Variants in GRIP1 observed in about 807,000 individuals in gnomAD.
GRIP1 encodes glutamate receptor-interacting protein 1.
GRIP1 carries 45 observed loss-of-function variants against 129.9 expected under a neutral mutation model. The ratio of observed to expected loss-of-function variants is 0.35; its 90% confidence interval spans 0.27 to 0.44. The LOEUF (loss-of-function observed/expected upper bound fraction) is 0.44. GRIP1 is among the 20% of genes least tolerant of loss of function. The pLI, the probability that GRIP1 is intolerant of heterozygous loss-of-function variation, is 1.00. For synonymous variants in GRIP1, 530 were observed against 520.8 expected, an observed-to-expected ratio of 1.02 and a Z score of -0.24; for missense variants, 1,196 against 1,396.8, an observed-to-expected ratio of 0.86 and a Z score of 2.29.
intron 2 of GRIP1, among the ~76,000 whole-genome samples, chr12:66,544,927 T>C (rs975951500): frequency 6.6e-6 from 1 of 152,144 alleles, no homozygotes; most frequent in African/African-American, 2.4e-5. Flanking sequence ...CACTTATATA[T>C]CAAGGCTTAC....
intron 5 of GRIP1, among the ~76,000 whole-genome samples, chr12:66,525,258 G>C (rs532517470): frequency 5.3e-5 from 8 of 152,294 alleles, no homozygotes; most frequent in Admixed American, 2.6e-4. Flanking sequence ...TATGCTTGAT[G>C]AACATTGATG....
chr12:66,894,430 C>T (rs1056579852), intron 1 of GRIP1, among the ~76,000 whole-genome samples: 1 of 152,178 alleles, frequency 6.6e-6, no homozygotes, highest in Non-Finnish European at 1.5e-5. Context: ...AACCAAGGTC[C>T]TCTATGAGTT....
chr12:66,562,676 A>G (rs1287478440), intron 2 of GRIP1, among the ~76,000 whole-genome samples: 2 of 152,116 alleles, frequency 1.3e-5, no homozygotes, highest in African/African-American at 2.4e-5. Context: ...GGCATTATGT[A>G]TCTTTGTTGC....
At chr12:66,858,816 G>C (rs1023640372) in intron 1 of GRIP1, among the ~76,000 whole-genome samples, 1 of 151,784 alleles carries the variant, frequency 6.6e-6, no homozygotes, top group Non-Finnish European at 1.5e-5. Flanking sequence ...GGATATGAGG[G>C]AAATACTAAT....
chr12:66,775,810 T>C (rs2136753028), intron 1 of GRIP1, among the ~76,000 whole-genome samples: 1 of 152,318 alleles, frequency 6.6e-6, no homozygotes, highest in East Asian at 1.9e-4. Context: ...GATATACTGA[T>C]AGGTGTTACT....
intron 23 of GRIP1, among the ~76,000 whole-genome samples, chr12:66,360,955 G>C (rs1202845582): frequency 6.6e-6 from 1 of 152,186 alleles, no homozygotes; most frequent in Non-Finnish European, 1.5e-5. Flanking sequence ...CTACTTCTCA[G>C]AAACAGTTTT....
intron 14 of GRIP1, among the ~76,000 whole-genome samples, chr12:66,426,532 CTT>C (rs2057993218): frequency 6.6e-6 from 1 of 152,114 alleles, no homozygotes; most frequent in South Asian, 2.1e-4. Context: ...ATAGGTTTCT[CTT>C]TGTTTGGTTT....
At chr12:66,875,060 G>A (rs890059065) in intron 1 of GRIP1, among the ~76,000 whole-genome samples, 3 of 151,912 alleles carry the variant, frequency 2.0e-5, no homozygotes, top group African/African-American at 7.3e-5. Flanking sequence ...TCTTCACCTA[G>A]CACAGTGCCT....
chr12:67,002,602 C>T (rs2135687667), intron 1 of GRIP1, among the ~76,000 whole-genome samples: 1 of 152,224 alleles, frequency 6.6e-6, no homozygotes, highest in East Asian at 1.9e-4. Flanking sequence ...CAATTATTTC[C>T]CTTTCTTACA....
At position 66,460,380 on chromosome 12, in the gene GRIP1, T is replaced by C. The variant is rs1240335394; in HGVS notation, c.1042+2544A>G. On this transcript the variant is annotated intron_variant, in intron 9 of 24. Transcript: ENST00000359742. ...GCAGCCTCTTACTCTGTTCAGGATG[T>C]TCGAGAGAGCAGACCACAGTGGTTC... 4.6e-5 allele frequency among the ~76,000 whole-genome samples: 7 copies of C among 152,346 alleles called. No individual in the cohort carries two copies. The East Asian group carries it at 1.4e-3, about 29-fold the overall frequency.
At chr12:66,437,402 C>T (rs1172833486) in intron 13 of GRIP1, among the ~76,000 whole-genome samples, 1 of 152,152 alleles carries the variant, frequency 6.6e-6, no homozygotes, top group African/African-American at 2.4e-5. Flanking sequence ...CTAGTGATGT[C>T]TGTCATGAGG....
chr12:67,020,968 T>C (rs1294631887), intron 1 of GRIP1, among the ~76,000 whole-genome samples: 3 of 151,832 alleles, frequency 2.0e-5, no homozygotes, highest in Admixed American at 2.0e-4. Flanking sequence ...CATGGTGGTG[T>C]GCACTTGTAG....
intron 1 of GRIP1, among the ~76,000 whole-genome samples, chr12:66,671,729 G>A (rs928254068): frequency 1.3e-5 from 2 of 152,058 alleles, no homozygotes; most frequent in South Asian, 2.1e-4. Context: ...TAGATATTAC[G>A]GTATCCAAAC....
At chr12:66,364,163 G>A (rs1479380833) in intron 23 of GRIP1, among the ~76,000 whole-genome samples, 1 of 151,038 alleles carries the variant, frequency 6.6e-6, no homozygotes, top group Admixed American at 6.6e-5. Context: ...CTGCTTGGGA[G>A]GCTGAGGCAG....
chr12:66,836,777 T>C lies in GRIP1; in HGVS notation c.58+232273A>G, dbSNP rs141087911. Among the ~76,000 whole-genome samples, 638 of 152,298 alleles carry C rather than the reference T, an allele frequency of 4.2e-3. 1 individual carries two copies. Among genetic ancestry groups the C allele is most frequent in the African/African-American group, 0.015 (613 of 41,560 alleles). On this transcript the variant is annotated intron_variant, in intron 1 of 1. Coordinates refer to the GRIP1 transcript ENST00000643019. ...ATTTATGAACTTGAAATGAGTACTA[T>C]CATTAATAGGCCTCATTTACAGGCT...
intron 1 of GRIP1, among the ~76,000 whole-genome samples, chr12:66,798,400 T>C (rs1008014444): frequency 3.9e-5 from 6 of 152,186 alleles, no homozygotes; most frequent in East Asian, 1.9e-4. Flanking sequence ...GGTCAAGATA[T>C]AGATTTTGAA....
chr12:66,381,704 A>C (rs1263323006), intron 19 of GRIP1, among the ~76,000 whole-genome samples: 1 of 152,232 alleles, frequency 6.6e-6, no homozygotes, highest in Non-Finnish European at 1.5e-5. Context: ...GCAAGAGTGC[A>C]AGAATGGGCT....
chr12:66,698,202 G>C (rs1344604182), intron 1 of GRIP1, among the ~76,000 whole-genome samples: 2 of 152,132 alleles, frequency 1.3e-5, no homozygotes, highest in Non-Finnish European at 2.9e-5. Flanking sequence ...CAATCAATAT[G>C]TATCTAGACT....
At chr12:66,973,373 T>C (rs997456408) in intron 1 of GRIP1, among the ~76,000 whole-genome samples, 1 of 122,902 alleles carries the variant, frequency 8.1e-6, no homozygotes, top group South Asian at 2.5e-4. Context: ...TTTTCCTTTT[T>C]CATTCTTTTT....
Sources: allele counts gnomAD v4.1 joint callset (sites outside exome capture counted in the v4.1 genomes callset), GRCh38; gene constraint gnomAD v4.1.1; transcripts MANE v1.5; gene names NCBI Gene and HGNC (gene_info 2026-07-23, HGNC 2026-07-21).